PHF3: variants seen among roughly 807,000 people sequenced by gnomAD.
The protein encoded by PHF3 is PHD finger protein 3.
Under a neutral mutation model 178.4 loss-of-function variants are expected in PHF3, and 41 were observed. The observed-to-expected ratio is 0.23, with a 90% confidence interval of 0.18 to 0.30. The LOEUF (loss-of-function observed/expected upper bound fraction) is 0.30. PHF3 is among the 10% of genes least tolerant of loss of function. PHF3 has a pLI of 1.00. For synonymous variants in PHF3, 842 were observed against 800.5 expected, an observed-to-expected ratio of 1.05 and a Z score of -0.88; for missense variants, 2,346 against 2,398.1, an observed-to-expected ratio of 0.98 and a Z score of 0.45.
At chr6:63,666,498 G>C (rs1243445541) in intron 2 of PHF3, among the ~76,000 whole-genome samples, 1 of 150,954 alleles carries the variant, frequency 6.6e-6, no homozygotes, top group Non-Finnish European at 1.5e-5. Context: ...GTCATTCCGC[G>C]GTATCCATAG....
Position 63,712,568 on chromosome 6 carries a change from G to T in PHF3, c.4980G>T (p.Gln1660His), listed in dbSNP as rs1399012511. Residue 1660 changes from glutamine (Q) to histidine (H), a missense_variant, in exon 16 of 16, where the codon CAG becomes CAT. Gln to His is a conservative substitution (Grantham distance 24, BLOSUM62 0). Coordinates refer to ENST00000262043, the MANE Select transcript of PHF3 (RefSeq NM_001370348.2). ...RDPRQAAGRS[Q>H]PVTTSESKDG... ...CTAGGCAAGCAGCAGGACGAAGTCAGCCTGTAACTACTTCAGAAAGCAAAG... is the reference window on the plus strand; with the variant it reads ...CTAGGCAAGCAGCAGGACGAAGTCATCCTGTAACTACTTCAGAAAGCAAAG... The T allele has an allele frequency of 2.5e-5, 40 of 1,613,778 alleles. No homozygotes were observed. Among genetic ancestry groups the T allele is most frequent in the Non-Finnish European group, 3.4e-5 (40 of 1,179,914 alleles).
rs1187648706 is a variant in PHF3 at position 63,713,609 on chromosome 6, CAAAG to C, written c.6024_6027del (p.Lys2008AsnfsTer42). On this transcript the variant is annotated frameshift_variant, in exon 16 of 16. Coordinates refer to ENST00000262043, the MANE Select transcript of PHF3 (RefSeq NM_001370348.2). LOFTEE classifies it high-confidence loss of function. Reference sequence around the variant, plus strand: ...CTAAAAGTGAAGACTATGAGAAGGACAAAGAACGAGAGAAAAGTAAACACAGAGA... The same window carrying C: ...CTAAAAGTGAAGACTATGAGAAGGACAACGAGAGAAAAGTAAACACAGAGA... 2 of 1,613,034 alleles carry C rather than the reference CAAAG, an allele frequency of 1.2e-6. No individual in the cohort carries two copies. The highest frequency in any genetic ancestry group is 4.5e-5 in the East Asian group (2 of 44,788).
rs1206211336 is a variant in PHF3 at position 63,712,964 on chromosome 6, T to G, written c.5376T>G (p.Ser1792Arg). Residue 1792 changes from serine (S) to arginine (R), a missense_variant, in exon 16 of 16, where the codon AGT becomes AGG. By Grantham distance (110) the Ser-to-Arg change is moderately radical (BLOSUM62 -1). Coordinates refer to ENST00000262043, the MANE Select transcript of PHF3 (RefSeq NM_001370348.2). ...CCAGAAGCACCAGCCCCAGAACAAG[T>G]ACAAACTTTTCACCCATGAGGCCAC... ...FTSRSTSPRT[S>R]TNFSPMRPQQ... 2 of 1,613,768 alleles carry G rather than the reference T, an allele frequency of 1.2e-6. No homozygotes were observed. The highest frequency in any genetic ancestry group is 2.7e-5 in the African/African-American group (2 of 74,868).
rs532938519 is a variant in PHF3, at chr6:63,672,288, A to G, written c.245-7712A>G. 3.9e-5 allele frequency among the ~76,000 whole-genome samples: 6 copies of G among 152,276 alleles called. 1 individual carries two copies. The South Asian group carries it at 6.2e-4, about 16-fold the overall frequency. On this transcript the variant is annotated intron_variant, in intron 2 of 15. Coordinates refer to ENST00000262043, the MANE Select transcript of PHF3 (RefSeq NM_001370348.2). ...TTTAAACAATTAGGAAGCAATCCAT[A>G]AAGTATTCTCCCCTTCTCCACAGAC...
Position 63,685,405 on chromosome 6 carries a change from C to G in PHF3, c.1683C>G (p.Cys561Trp). 6.2e-7 allele frequency: 1 copy of G among 1,613,880 alleles called. No individual in the cohort carries two copies. The highest frequency in any genetic ancestry group is 8.5e-7 in the Non-Finnish European group (1 of 1,179,962). The change falls in exon 4 of 16, where the codon TGC (cysteine) becomes TGG (tryptophan). Residue 561 changes from cysteine to tryptophan, a missense_variant. Physicochemically the swap from Cys to Trp is radical, Grantham distance 215. Around this residue, in one of 8 missense-constraint regions of PHF3, gnomAD observed 843 missense variants for 795.2 expected, o/e 1.06. Transcript: ENST00000262043. ...QIDKEPKIQSCNSGVKSVKNQ... is the reference protein window; with the variant it reads ...QIDKEPKIQSWNSGVKSVKNQ... The stretch of plus-strand genomic sequence containing the variant: ...ATAAGGAGCCAAAGATTCAGAGTTG[C>G]AATTCTGGGGTTAAATCTGTGAAAA...
chr6:63,647,843 G>A (rs1330466796), intron 2 of PHF3, among the ~76,000 whole-genome samples: 2 of 152,206 alleles, frequency 1.3e-5, no homozygotes, highest in Non-Finnish European at 2.9e-5. Flanking sequence ...CCATGGAACA[G>A]TAAGGTTTTC....
At chr6:63,694,825 T>A in intron 6 of PHF3, 61 bp downstream of exon 6, 1 of 944,586 alleles carries the variant, frequency 1.1e-6, no homozygotes, top group Non-Finnish European at 1.4e-6. Flanking sequence ...TAAGATACAA[T>A]TAATTAGTAT....
chr6:63,667,013 A>G (rs553880743), intron 2 of PHF3, among the ~76,000 whole-genome samples: 2 of 152,002 alleles, frequency 1.3e-5, no homozygotes, highest in East Asian at 1.9e-4. Context: ...TGGCCTCTCA[A>G]AGTGCTGGGA....
intron 6 of PHF3, among the ~76,000 whole-genome samples, chr6:63,695,366 T>C (rs146984750): frequency 3.0e-4 from 46 of 152,308 alleles, no homozygotes; most frequent in Middle Eastern, 6.8e-3. Flanking sequence ...AAAACCTGAG[T>C]ATATGTCTAT....
At chr6:63,706,633 CCTT>C in intron 12 of PHF3, 93 bp from the exon 13 acceptor site, 1 of 1,125,422 alleles carries the variant, frequency 8.9e-7, no homozygotes, top group East Asian at 2.4e-5. Context: ...CATATTTTGG[CCTT>C]CTTCACATGC....
At chr6:63,660,367 C>T (rs1245404882) in intron 2 of PHF3, among the ~76,000 whole-genome samples, 4 of 151,684 alleles carry the variant, frequency 2.6e-5, no homozygotes, top group African/African-American at 9.7e-5. Flanking sequence ...AAACCTCTAA[C>T]TTCATACTCA....
At position 63,685,206 on chromosome 6, in the gene PHF3, T is replaced by C. The variant is rs1364324582; in HGVS notation, c.1484T>C (p.Ile495Thr). Residue 495 changes from isoleucine (I) to threonine (T), a missense_variant, in exon 4 of 16, where the codon ATT becomes ACT. Transcript: ENST00000262043. ...SVKSKHTKPV[I>T]HSKQNMTTDA... is the part of the protein sequence containing the mutation. Reference sequence around the variant, plus strand: ...AAATCCAAACATACAAAACCTGTAATTCATTCTAAGCAAAACATGACCACA... The same window carrying C: ...AAATCCAAACATACAAAACCTGTAACTCATTCTAAGCAAAACATGACCACA... The C allele has an allele frequency of 1.2e-6, 2 of 1,613,982 alleles. No homozygotes were observed. The highest frequency in any genetic ancestry group is 8.5e-7 in the Non-Finnish European group (1 of 1,180,000).
chr6:63,656,006 G>A (rs1253755410), intron 2 of PHF3, among the ~76,000 whole-genome samples: 1 of 152,130 alleles, frequency 6.6e-6, no homozygotes, highest in Admixed American at 6.5e-5. Flanking sequence ...AGTCATTGCT[G>A]CAGCCATCCT....
At chr6:63,636,555 C>T (rs1764349153) in intron 1 of PHF3, 1 of 152,200 alleles carries the variant, frequency 6.6e-6, no homozygotes, top group Non-Finnish European at 1.5e-5. Flanking sequence ...CCCCCGGATC[C>T]GGCCGTTGGG....
rs1768546981 is a variant in PHF3 at position 63,724,734 on chromosome 6, A to T, written c.*11026A>T. ...TTTAAATTTTACACTACTTGAGAGT[A>T]CTCAAATTATTAACCTCTAAAGAGA... On this transcript the variant is annotated 3_prime_UTR_variant, in exon 16 of 16. Coordinates refer to ENST00000262043, the MANE Select transcript of PHF3 (RefSeq NM_001370348.2). Among the ~76,000 whole-genome samples the T allele has an allele frequency of 6.6e-6, 1 of 152,164 alleles. No individual in the cohort carries two copies. Among genetic ancestry groups the T allele is most frequent in the Admixed American group, 6.5e-5 (1 of 15,274 alleles).
Position 63,698,348 on chromosome 6 carries a change from A to G in PHF3, c.2806A>G (p.Lys936Glu), listed in dbSNP as rs1482771704. The G allele has an allele frequency of 6.2e-7, 1 of 1,610,866 alleles. No individual in the cohort carries two copies. The highest frequency in any genetic ancestry group is 1.3e-5 in the African/African-American group (1 of 74,996). Reference protein sequence around the residue: ...QIRQSVRHSLKDILMKRLTDS... With the variant: ...QIRQSVRHSLEDILMKRLTDS... ...CAGGCAAAGTGTCAGACATTCTCTC[A>G]AAGACATTCTTATGAAGAGGTAACA... Residue 936 changes from lysine (K) to glutamate (E), a missense_variant, in exon 7 of 16, where the codon AAA (lysine) becomes GAA (glutamate). By Grantham distance (56) the Lys-to-Glu change is moderately conservative. Transcript: ENST00000262043.
intron 11 of PHF3, 83 bp downstream of exon 11, chr6:63,703,754 G>A: frequency 7.3e-7 from 1 of 1,365,920 alleles, no homozygotes; most frequent in Non-Finnish European, 1.0e-6. Context: ...AATTTAAGTA[G>A]GTTTTGTTTT....
chr6:63,636,489 G>A (rs1291436072), intron 1 of PHF3: 1 of 152,102 alleles, frequency 6.6e-6, no homozygotes, highest in Non-Finnish European at 1.5e-5. Context: ...CCGCTGAGGC[G>A]CGGGCGCGCA....
chr6:63,636,166 G>C lies in PHF3; in HGVS notation c.-26+16G>C, dbSNP rs947325013. ...GCGGAGCTGGGTGAGTTGCGGCTGT[G>C]GCCGCGGCCAGGGAGACGGGCAATC... is the stretch of plus-strand genomic sequence containing the variant. On this transcript the variant is annotated intron_variant, in intron 1 of 15. Coordinates refer to ENST00000262043, the MANE Select transcript of PHF3 (RefSeq NM_001370348.2). 1 of 384,556 alleles carries C rather than the reference G, an allele frequency of 2.6e-6. No individual in the cohort carries two copies. 23.8% of individuals were successfully genotyped at this position (384,556 alleles called of 1,614,324 possible).
Sources: gnomAD v4.1 joint callset for allele counts (sites outside exome capture counted in the v4.1 genomes callset) on GRCh38, gnomAD v4.1.1 for gene constraint, gnomAD v4.1.1 regional missense constraint, MANE v1.5 for transcripts, NCBI Gene and HGNC (gene_info 2026-07-23, HGNC 2026-07-21) for gene names.